The following DEFB119 variants were observed in gnomAD, a reference collection of about 807,000 sequenced individuals.
DEFB119 encodes the protein beta-defensin 119.
In DEFB119, 3 loss-of-function variants were observed where a neutral mutation model predicts 2.5. That is an observed-to-expected ratio of 1.19 (90% CI 0.54 to 3.07). The LOEUF (loss-of-function observed/expected upper bound fraction) is 3.07, where lower values mean the gene tolerates loss of function less well. DEFB119 is among the 30% of genes most tolerant of loss of function. DEFB119 has a pLI of 0.03. For missense variants in DEFB119, 113 were observed against 101.1 expected (o/e 1.12, Z -0.50); for synonymous variants, 29 against 33.7 (o/e 0.86, Z 0.48).
chr20:31,389,203 C>A lies in DEFB119; in HGVS notation c.61+1220G>T, dbSNP rs778891846. 6.2e-6 allele frequency: 10 copies of A among 1,614,108 alleles called. No homozygotes were observed. The East Asian group carries it at 1.6e-4, about 25-fold the overall frequency. ...GTCTTCACCATCTTTGCACAACAAC[C>A]GGCAGTGTCCATCCATCCAACACTC... On this transcript the variant is annotated intron_variant, in intron 1 of 1. Transcript: ENST00000376321.
intron 1 of DEFB119, among the ~76,000 whole-genome samples, chr20:31,381,935 G>A (rs1480470553): frequency 3.3e-5 from 5 of 152,226 alleles, no homozygotes; most frequent in Non-Finnish European, 5.9e-5. Flanking sequence ...CAGATTAGTG[G>A]TTACCAAGGG....
chr20:31,384,079 T>C (rs1189294905), intron 1 of DEFB119, among the ~76,000 whole-genome samples: 1 of 152,148 alleles, frequency 6.6e-6, no homozygotes, highest in Non-Finnish European at 1.5e-5. Context: ...GAAAATGGAC[T>C]AATACAATAG....
intron 1 of DEFB119, chr20:31,388,345 A>C: frequency 1.0e-6 from 1 of 975,248 alleles, no homozygotes; most frequent in Non-Finnish European, 1.2e-6. Flanking sequence ...ATGTCATTTC[A>C]TCCTTACTGC....
Position 31,390,452 on chromosome 20 carries a change from A to T in DEFB119, c.32T>A (p.Leu11His). The change falls in exon 1 of 2, where the codon CTT (leucine) becomes CAT (histidine). Residue 11 changes from leucine (L) to histidine (H), a missense_variant. By Grantham distance (99) the Leu-to-His change is moderately conservative. Coordinates refer to ENST00000376321, the MANE Select transcript of DEFB119 (RefSeq NM_153289.4). ...TATCACTGGTTCTTCTATGGCCAGAAGGATGGCAAGAAACAGGTAAAGAAG... is the reference window on the plus strand; with the variant it reads ...TATCACTGGTTCTTCTATGGCCAGATGGATGGCAAGAAACAGGTAAAGAAG... MKLLYLFLAI[L>H]LAIEEPVISG... 1 of 1,613,108 alleles carries T rather than the reference A, an allele frequency of 6.2e-7. No homozygotes were observed. The highest frequency in any genetic ancestry group is 1.7e-5 in the Admixed American group (1 of 59,830).
chr20:31,388,873 T>C (rs908863058), intron 1 of DEFB119: 18 of 1,385,150 alleles, frequency 1.3e-5, no homozygotes, highest in Non-Finnish European at 1.8e-5. Flanking sequence ...CCAGCCCTAG[T>C]GACTTCTCTC....
At chr20:31,379,646 A>G (rs1600506347) in intron 1 of DEFB119, among the ~76,000 whole-genome samples, 1 of 140,604 alleles carries the variant, frequency 7.1e-6, no homozygotes. Context: ...GGTGCATGCC[A>G]CCACACCCAA....
chr20:31,388,723 CT>C (rs530997806), intron 1 of DEFB119, among the ~76,000 whole-genome samples: 43 of 152,240 alleles, frequency 2.8e-4, no homozygotes, highest in African/African-American at 8.7e-4. Flanking sequence ...TTCTCCCACT[CT>C]TTAGGCATCT....
chr20:31,390,366 G>A (rs1223581485), intron 1 of DEFB119, 57 bp downstream of exon 1: 1 of 1,516,670 alleles, frequency 6.6e-7, no homozygotes. Context: ...GAGAGGGAAG[G>A]GAAAGACGGG....
chr20:31,388,600 A>G (rs7272826), intron 1 of DEFB119, among the ~76,000 whole-genome samples: 1 of 152,110 alleles, frequency 6.6e-6, no homozygotes, highest in Non-Finnish European at 1.5e-5. Context: ...CCTCTTGAGC[A>G]CTAGAAAGCA....
At chr20:31,387,668 A>G (rs550344861) in intron 1 of DEFB119, among the ~76,000 whole-genome samples, 44 of 152,208 alleles carry the variant, frequency 2.9e-4, no homozygotes, top group African/African-American at 8.9e-4. Flanking sequence ...TCTCCTGCCT[A>G]GGGGTCGGCA....
Position 31,389,159 on chromosome 20 carries a change from T to C in DEFB119, c.61+1264A>G, listed in dbSNP as rs924495306. The C allele has an allele frequency of 7.4e-6, 12 of 1,614,238 alleles. No homozygotes were observed. The highest frequency in any genetic ancestry group is 8.5e-6 in the Non-Finnish European group (10 of 1,180,044). The stretch of plus-strand genomic sequence containing the variant: ...CTAGGAACACAGCACCGTTTACGAT[T>C]TCGGCAGCGTATGATGCTGTCTTCA... On this transcript the variant is annotated intron_variant, in intron 1 of 1. Coordinates refer to ENST00000376321, the MANE Select transcript of DEFB119 (RefSeq NM_153289.4).
intron 1 of DEFB119, among the ~76,000 whole-genome samples, chr20:31,386,404 T>C (rs1487674091): frequency 6.6e-6 from 1 of 151,916 alleles, no homozygotes; most frequent in Non-Finnish European, 1.5e-5. Flanking sequence ...GGCTGAAAAA[T>C]AGATTGTGAA....
chr20:31,378,258 G>C, intron 1 of DEFB119: 5 of 1,586,274 alleles, frequency 3.2e-6, no homozygotes, highest in Non-Finnish European at 4.3e-6. Flanking sequence ...ACCACTCCCT[G>C]AGATGTGACT....
chr20:31,379,963 C>A (rs1401528567), intron 1 of DEFB119, among the ~76,000 whole-genome samples: 1 of 152,274 alleles, frequency 6.6e-6, no homozygotes, highest in Non-Finnish European at 1.5e-5. Flanking sequence ...CCATGCCCGG[C>A]AAATACTGTT....
intron 1 of DEFB119, among the ~76,000 whole-genome samples, chr20:31,381,284 C>T (rs1054203374): frequency 6.6e-6 from 1 of 152,158 alleles, no homozygotes; most frequent in East Asian, 1.9e-4. Flanking sequence ...CCTTACTGAA[C>T]CTACTTATTA....
intron 1 of DEFB119, among the ~76,000 whole-genome samples, chr20:31,385,285 C>A (rs1231712327): frequency 6.7e-6 from 1 of 148,954 alleles, no homozygotes; most frequent in Non-Finnish European, 1.5e-5. Context: ...ATAGAATGCC[C>A]ATATCAAGTG....
intron 1 of DEFB119, among the ~76,000 whole-genome samples, chr20:31,379,260 A>G (rs965146277): frequency 5.9e-5 from 9 of 152,160 alleles, no homozygotes; most frequent in Non-Finnish European, 1.0e-4. Context: ...TAAAAGACAA[A>G]ATAATGGAGG....
chr20:31,379,296 G>A (rs1422179726), intron 1 of DEFB119, among the ~76,000 whole-genome samples: 1 of 152,240 alleles, frequency 6.6e-6, no homozygotes, highest in Admixed American at 6.5e-5. Flanking sequence ...CTAAGAAAAA[G>A]TTTGGAAAAT....
rs1014592942 is a variant in DEFB119, at chr20:31,390,504, G to C, written c.-21C>G. On this transcript the variant is annotated 5_prime_UTR_variant, in exon 1 of 2. Transcript: ENST00000376321. ...TTCATGGCTGGCAGACCTGAGAGGA[G>C]GAGGTGGCTGAGCTGCAGGGGAAGG... The C allele has an allele frequency of 1.1e-5, 18 of 1,612,178 alleles. No homozygotes were observed. The highest frequency in any genetic ancestry group is 1.7e-4 in the Middle Eastern group (1 of 6,052).
Sources: gnomAD v4.1 joint callset for allele counts (sites outside exome capture counted in the v4.1 genomes callset) on GRCh38, gnomAD v4.1.1 for gene constraint, MANE v1.5 for transcripts, NCBI Gene and HGNC (gene_info 2026-07-23, HGNC 2026-07-21) for gene names.